AHR: variants seen among roughly 807,000 people sequenced by gnomAD.
The protein encoded by AHR is aryl hydrocarbon receptor, also known as AH-receptor.
A neutral mutation model predicts 86.8 loss-of-function variants in AHR; 40 were observed. That is an observed-to-expected ratio of 0.46 (90% CI 0.36 to 0.60). The LOEUF (loss-of-function observed/expected upper bound fraction) is 0.60, where lower values mean the gene tolerates loss of function less well. Among genes scored for constraint, AHR ranks in the 20% least tolerant of loss-of-function variants. The pLI is 0.00. For missense variants in AHR, 1,001 were observed against 1,011.6 expected (o/e 0.99, Z 0.14); for synonymous variants, 398 against 354.9 (o/e 1.12, Z -1.37).
At chr7:17,335,988 T>C in intron 9 of AHR, 1 of 466,692 alleles carries the variant, frequency 2.1e-6, no homozygotes, top group East Asian at 3.7e-5. Context: ...TGCAGAGCTA[T>C]AGAAAGAATA....
chr7:17,310,436 TA>T (rs1293020880), intron 2 of AHR, among the ~76,000 whole-genome samples: 3 of 151,166 alleles, frequency 2.0e-5, no homozygotes, highest in Non-Finnish European at 3.0e-5. Flanking sequence ...AAGTCTTTTT[TA>T]AAAAAAAAGA....
At position 17,330,827 on chromosome 7, in the gene AHR, A is replaced by G; in HGVS notation, c.646A>G (p.Met216Val). 1 of 1,612,442 alleles carries G rather than the reference A, an allele frequency of 6.2e-7. No individual in the cohort carries two copies. Among genetic ancestry groups the G allele is most frequent in the Non-Finnish European group, 8.5e-7 (1 of 1,178,830 alleles). The change falls in exon 6 of 11, where the codon ATG (methionine) becomes GTG (valine). Residue 216 changes from methionine (M) to valine (V), a missense_variant. Met to Val is a conservative substitution (Grantham distance 21, BLOSUM62 1). Around this residue, in one of 2 missense-constraint regions of AHR, gnomAD observed 394 missense variants for 468.5 expected, o/e 0.84. Coordinates refer to ENST00000242057, the MANE Select transcript of AHR (RefSeq NM_001621.5). ...GATTCCTCCAGAAAACTCTCCTTTA[A>G]TGGAGAGGTGCTTCATATGTCGTCT... Reference protein sequence around the residue: ...DQIPPENSPLMERCFICRLRC... With the variant: ...DQIPPENSPLVERCFICRLRC...
intron 1 of AHR, among the ~76,000 whole-genome samples, chr7:17,303,279 G>T (rs1011033234): frequency 4.6e-5 from 7 of 152,014 alleles, no homozygotes; most frequent in African/African-American, 1.4e-4. Flanking sequence ...ATTCAGAGTT[G>T]CTCAGATAAT....
At position 17,310,022 on chromosome 7, in the gene AHR, C is replaced by G; in HGVS notation, c.152C>G (p.Ala51Gly). 6.2e-7 allele frequency: 1 copy of G among 1,613,948 alleles called. No homozygotes were observed. The highest frequency in any genetic ancestry group is 8.5e-7 in the Non-Finnish European group (1 of 1,179,884). Residue 51 changes from alanine to glycine, a missense_variant, in exon 2 of 11, where the codon GCT (alanine) becomes GGT (glycine). Ala to Gly is a moderately conservative substitution (Grantham distance 60). This residue lies in a region of AHR where 394 missense variants were observed against 468.5 expected (regional missense o/e 0.84). Transcript: ENST00000242057. ...CTTAATACAGAGTTGGACCGTTTGG[C>G]TAGCCTGCTGCCTTTCCCACAAGAT... is the stretch of plus-strand genomic sequence containing the variant. ...DRLNTELDRL[A>G]SLLPFPQDVI...
intron 1 of AHR, among the ~76,000 whole-genome samples, chr7:17,303,359 C>T (rs766598135): frequency 6.6e-6 from 1 of 152,010 alleles, no homozygotes. Flanking sequence ...GACTTGTGTT[C>T]GTACTGTCCA....
At chr7:17,338,198 C>CAA (rs375217061) in intron 9 of AHR, among the ~76,000 whole-genome samples, 4 of 64,624 alleles carry the variant, frequency 6.2e-5, no homozygotes, top group Admixed American at 1.8e-4. Context: ...GACTCCGTCT[C>CAA]AAAAAAAAAA....
chr7:17,340,333 CATTCA>C, intron 10 of AHR, 105 bp downstream of exon 10: 1 of 1,397,514 alleles, frequency 7.2e-7, no homozygotes, highest in Non-Finnish European at 9.4e-7. Flanking sequence ...TTATCTACAG[CATTCA>C]TGGAGACAGC....
chr7:17,307,699 T>C (rs991302492), intron 1 of AHR, among the ~76,000 whole-genome samples: 3 of 152,170 alleles, frequency 2.0e-5, no homozygotes, highest in Non-Finnish European at 4.4e-5. Flanking sequence ...GTCAGATTTA[T>C]GTTTTAGAAA....
At chr7:17,338,055 C>CG (rs1265174679) in intron 9 of AHR, among the ~76,000 whole-genome samples, 1 of 151,236 alleles carries the variant, frequency 6.6e-6, no homozygotes, top group African/African-American at 2.4e-5. Context: ...AAAAATTAGC[C>CG]GGGCGTTGTA....
Position 17,340,058 on chromosome 7 carries a change from C to T in AHR, c.2233C>T (p.Pro745Ser). Residue 745 changes from proline to serine, a missense_variant, in exon 10 of 11, where the codon CCT becomes TCT. By Grantham distance (74) the Pro-to-Ser change is moderately conservative. Transcript: ENST00000242057. Reference sequence around the variant, plus strand: ...AGATTTTGTCACTTGTTTACAACTTCCTGAAAACCAAAAGCATGGATTAAA... The same window carrying T: ...AGATTTTGTCACTTGTTTACAACTTTCTGAAAACCAAAAGCATGGATTAAA... ...LEDFVTCLQL[P>S]ENQKHGLNPQ... 2 of 1,614,224 alleles carry T rather than the reference C, an allele frequency of 1.2e-6. No homozygotes were observed. Among genetic ancestry groups the T allele is most frequent in the Non-Finnish European group, 1.7e-6 (2 of 1,180,034 alleles).
At chr7:17,315,694 T>G (rs1782108059) in intron 2 of AHR, among the ~76,000 whole-genome samples, 1 of 151,980 alleles carries the variant, frequency 6.6e-6, no homozygotes, top group Non-Finnish European at 1.5e-5. Context: ...TGAGGGTTTG[T>G]GATCTGGTTA....
At chr7:17,327,897 T>TTA (rs1782246011) in intron 4 of AHR, 49 bp downstream of exon 4, 2 of 816,988 alleles carry the variant, frequency 2.4e-6, no homozygotes, top group Non-Finnish European at 1.7e-6. Flanking sequence ...CATTTACTTT[T>TTA]TATATATATT....
chr7:17,310,266 C>A (rs1355901038), intron 2 of AHR, 143 bp downstream of exon 2: 1 of 743,180 alleles, frequency 1.3e-6, no homozygotes, highest in Non-Finnish European at 2.0e-6. Flanking sequence ...GTGGCAAAGC[C>A]AGATTTATAA....
chr7:17,317,119 T>TTG (rs958919514), intron 2 of AHR, among the ~76,000 whole-genome samples: 4 of 149,584 alleles, frequency 2.7e-5, no homozygotes, highest in African/African-American at 9.8e-5. Flanking sequence ...GAATTTTGTT[T>TTG]TTTTTTTTTT....
At chr7:17,334,226 C>T in intron 7 of AHR, 112 bp downstream of exon 7, 2 of 911,422 alleles carry the variant, frequency 2.2e-6, no homozygotes, top group South Asian at 3.4e-5. Context: ...ATTAGATTGG[C>T]TATTATCGTA....
chr7:17,304,608 C>T (rs1016179949), intron 1 of AHR, among the ~76,000 whole-genome samples: 1 of 152,058 alleles, frequency 6.6e-6, no homozygotes, highest in South Asian at 2.1e-4. Flanking sequence ...GTATTTAAGA[C>T]CCGATTTAGA....
At chr7:17,305,255 T>C (rs796475697) in intron 1 of AHR, among the ~76,000 whole-genome samples, 1 of 152,254 alleles carries the variant, frequency 6.6e-6, no homozygotes, top group East Asian at 1.9e-4. Context: ...ACAATGAAGT[T>C]GGGGTCTATT....
At chr7:17,335,464 A>G (rs1404380764) in intron 8 of AHR, among the ~76,000 whole-genome samples, 181 bp from the exon 9 acceptor site, 2 of 152,216 alleles carry the variant, frequency 1.3e-5, no homozygotes, top group East Asian at 3.9e-4. Flanking sequence ...TTAAAATAAT[A>G]AATTTAAAAC....
rs1415671447 is a variant in AHR, at chr7:17,334,827, T to C, written c.909-60T>C. On this transcript the variant is annotated intron_variant, in intron 7 of 10. Transcript: ENST00000242057. The stretch of plus-strand genomic sequence containing the variant: ...CGTAAAACCAATGAATTTATCTTGG[T>C]TATTTCATTTATGTTAAATCTTAAT... 5.0e-6 allele frequency: 6 copies of C among 1,204,708 alleles called. No individual in the cohort carries two copies. In the African/African-American group the frequency reaches 6.1e-5, roughly 12 times the overall value. 74.6% of individuals were successfully genotyped at this position (1,204,708 alleles called of 1,614,324 possible). A position where few individuals can be genotyped will look rare whatever the true frequency, so the allele number is the denominator to read the frequency against.
Sources: gnomAD v4.1 joint callset for allele counts (sites outside exome capture counted in the v4.1 genomes callset) on GRCh38, gnomAD v4.1.1 for gene constraint, gnomAD v4.1.1 regional missense constraint, MANE v1.5 for transcripts, NCBI Gene and HGNC (gene_info 2026-07-23, HGNC 2026-07-21) for gene names.